Variants in SGIP1 observed in about 807,000 individuals in gnomAD.
SGIP1 encodes SH3-containing GRB2-like protein 3-interacting protein 1.
A neutral mutation model predicts 107.5 loss-of-function variants in SGIP1; 38 were observed. That is an observed-to-expected ratio of 0.35 (90% CI 0.27 to 0.46). The LOEUF (loss-of-function observed/expected upper bound fraction) is 0.46. SGIP1 is among the 20% of genes least tolerant of loss of function. SGIP1 has a pLI of 1.00. For synonymous variants in SGIP1, 365 were observed against 366.1 expected (o/e 1.00, Z 0.03); for missense variants, 929 against 1,019.5 (o/e 0.91, Z 1.21).
At chr1:66,561,924 A>C (rs937969986) in intron 1 of SGIP1, among the ~76,000 whole-genome samples, 1 of 152,056 alleles carries the variant, frequency 6.6e-6, no homozygotes, top group African/African-American at 2.4e-5. Flanking sequence ...CAGTTAAAAT[A>C]CACCAGGATT....
At chr1:66,642,122 G>C (rs1326789783) in intron 5 of SGIP1, among the ~76,000 whole-genome samples, 1 of 152,218 alleles carries the variant, frequency 6.6e-6, no homozygotes, top group East Asian at 1.9e-4. Flanking sequence ...CTGAGAAGCT[G>C]CAGTAGCTAC....
intron 17 of SGIP1, chr1:66,695,148 G>T (rs1430564999): frequency 1.2e-5 from 6 of 505,096 alleles, no homozygotes; most frequent in Non-Finnish European, 2.0e-5. Flanking sequence ...GCATGGCCAG[G>T]AAGACTTCTG....
chr1:66,571,202 A>G (rs1416970208), intron 1 of SGIP1, among the ~76,000 whole-genome samples: 1 of 152,018 alleles, frequency 6.6e-6, no homozygotes, highest in Non-Finnish European at 1.5e-5. Flanking sequence ...AAAGGAAGCA[A>G]ACAGACAAAT....
chr1:66,610,742 T>G (rs1364033021), intron 1 of SGIP1, among the ~76,000 whole-genome samples: 1 of 130,944 alleles, frequency 7.6e-6, no homozygotes, highest in Non-Finnish European at 1.6e-5. Flanking sequence ...CCATCGATTT[T>G]AAGGATTATC....
chr1:66,690,044 T>C (rs2089477269), intron 16 of SGIP1, 146 bp from the exon 17 acceptor site: 1 of 917,490 alleles, frequency 1.1e-6, no homozygotes, highest in Admixed American at 2.4e-5. Flanking sequence ...CTCATATAGA[T>C]AGAATTAATT....
chr1:66,655,935 TC>T (rs1456700414), intron 7 of SGIP1, among the ~76,000 whole-genome samples: 1 of 152,152 alleles, frequency 6.6e-6, no homozygotes, highest in African/African-American at 2.4e-5. Flanking sequence ...TTTGTAAACT[TC>T]TAAATTTTTT....
At chr1:66,683,891 G>T (rs117193174) in intron 15 of SGIP1, among the ~76,000 whole-genome samples, 4 of 151,392 alleles carry the variant, frequency 2.6e-5, no homozygotes, top group East Asian at 2.0e-4. Context: ...TAGAGACAGG[G>T]TTTTCAGTAG....
chr1:66,645,910 G>A (rs1176304439), intron 7 of SGIP1, among the ~76,000 whole-genome samples: 4 of 151,976 alleles, frequency 2.6e-5, no homozygotes, highest in East Asian at 3.9e-4. Context: ...GTATGATGTC[G>A]GCTGACTGCA....
intron 18 of SGIP1, among the ~76,000 whole-genome samples, chr1:66,698,405 G>A (rs1215519217): frequency 2.8e-5 from 4 of 143,054 alleles, no homozygotes; most frequent in African/African-American, 1.0e-4. Flanking sequence ...TTGAGACGGA[G>A]TCTCGCTCTG....
chr1:66,627,083 A>C (rs953827854), intron 2 of SGIP1, among the ~76,000 whole-genome samples: 1 of 152,198 alleles, frequency 6.6e-6, no homozygotes, highest in Non-Finnish European at 1.5e-5. Flanking sequence ...GAAATGACTA[A>C]TATGGTACCT....
At chr1:66,684,041 C>T in intron 15 of SGIP1, 2 of 1,542,032 alleles carry the variant, frequency 1.3e-6, no homozygotes, top group Non-Finnish European at 1.7e-6. Flanking sequence ...GCCCTAAATG[C>T]TTTTTGTACA....
At chr1:66,650,954 A>G (rs1291015207) in intron 7 of SGIP1, among the ~76,000 whole-genome samples, 3 of 152,138 alleles carry the variant, frequency 2.0e-5, no homozygotes, top group Admixed American at 2.0e-4. Flanking sequence ...TTTATTATCC[A>G]TGTAGCCCTG....
At chr1:66,559,887 G>T (rs2058689698) in intron 1 of SGIP1, among the ~76,000 whole-genome samples, 3 of 151,914 alleles carry the variant, frequency 2.0e-5, no homozygotes, top group Admixed American at 1.3e-4. Flanking sequence ...GGGAGGAGGG[G>T]GTCAATGTCC....
intron 19 of SGIP1, among the ~76,000 whole-genome samples, chr1:66,721,461 C>T (rs1056037187): frequency 6.6e-6 from 1 of 152,052 alleles, no homozygotes. Flanking sequence ...CAGGCTGAAG[C>T]ACAATGGCAC....
chr1:66,643,731 G>T lies in SGIP1; in HGVS notation c.459+12G>T, dbSNP rs1282303992. The T allele has an allele frequency of 1.9e-6, 3 of 1,589,382 alleles. No homozygotes were observed. The highest frequency in any genetic ancestry group is 1.4e-5 in the African/African-American group (1 of 73,430). On this transcript the variant is annotated intron_variant, in intron 7 of 24. Transcript: ENST00000371037. The stretch of plus-strand genomic sequence containing the variant: ...CCCCATCACCAGTGGTGAGTGTTGT[G>T]TGTGTGTGTGTTAAGCTTTAGTGAG...
intron 9 of SGIP1, among the ~76,000 whole-genome samples, chr1:66,669,896 A>G (rs553056383): frequency 1.3e-5 from 2 of 152,336 alleles, no homozygotes; most frequent in South Asian, 2.1e-4. Context: ...TTATAGGTCA[A>G]TTACAGAGGT....
In SGIP1 at chr1:66,695,313, C is replaced by G. The variant is rs750957620; in HGVS notation, c.1571-121C>G. On this transcript the variant is annotated intron_variant, in intron 17 of 24. Transcript: ENST00000371037. ...TTCCCTTTTTCCTGCACGCTAATGG[C>G]ATGTAGTGCCTCCACCCTTCCCTAT... 2.6e-6 allele frequency: 4 copies of G among 1,556,046 alleles called. No homozygotes were observed. The African/African-American group carries it at 5.7e-5, about 22-fold the overall frequency.
At chr1:66,740,758 A>G (rs971731956) in intron 23 of SGIP1, 36 bp downstream of exon 23, 3 of 1,458,798 alleles carry the variant, frequency 2.1e-6, no homozygotes, top group Non-Finnish European at 2.9e-6. Context: ...TTTAACATGT[A>G]AAGCTAAAAT....
At chr1:66,685,086 A>C (rs2087855461) in intron 15 of SGIP1, among the ~76,000 whole-genome samples, 1 of 152,220 alleles carries the variant, frequency 6.6e-6, no homozygotes, top group Non-Finnish European at 1.5e-5. Context: ...TAAATTTAAG[A>C]TTGAAACAAT....
Sources: gnomAD v4.1 joint callset for allele counts (sites outside exome capture counted in the v4.1 genomes callset) on GRCh38, gnomAD v4.1.1 for gene constraint, MANE v1.5 for transcripts, NCBI Gene and HGNC (gene_info 2026-07-23, HGNC 2026-07-21) for gene names.